CDC27: variants seen among roughly 807,000 people sequenced by gnomAD.
The protein encoded by CDC27 is cell division cycle 27, also known as cell division cycle protein 27 homolog.
In CDC27, 27 loss-of-function variants were observed where a neutral mutation model predicts 109.7. The observed-to-expected ratio is 0.25, with a 90% confidence interval of 0.18 to 0.34. The LOEUF (loss-of-function observed/expected upper bound fraction) is 0.34, where lower values mean the gene tolerates loss of function less well. Among genes scored for constraint, CDC27 ranks in the 10% least tolerant of loss-of-function variants. CDC27 has a pLI of 1.00. For synonymous variants in CDC27, 266 were observed against 333.9 expected (o/e 0.80, Z 2.22); for missense variants, 579 against 960.2 (o/e 0.60, Z 5.25).
intron 9 of CDC27, among the ~76,000 whole-genome samples, chr17:47,148,681 A>C (rs371268834): frequency 2.0e-5 from 3 of 152,328 alleles, no homozygotes; most frequent in East Asian, 1.9e-4. Context: ...GAAAAGACAT[A>C]TTACTACATA....
At chr17:47,133,073 A>G (rs2062429437) in intron 14 of CDC27, among the ~76,000 whole-genome samples, 1 of 83,180 alleles carries the variant, frequency 1.2e-5, no homozygotes, top group Non-Finnish European at 2.2e-5. Context: ...ACACACACAC[A>G]CACACACACA....
intron 14 of CDC27, among the ~76,000 whole-genome samples, chr17:47,134,542 A>AG (rs1183438031): frequency 1.3e-5 from 2 of 151,326 alleles, no homozygotes; most frequent in African/African-American, 4.9e-5. Context: ...GCCATGCTGG[A>AG]GTGCAGTGGC....
chr17:47,124,306 T>C (rs2032876669), intron 16 of CDC27, among the ~76,000 whole-genome samples: 2 of 152,044 alleles, frequency 1.3e-5, no homozygotes, highest in Admixed American at 1.3e-4. Context: ...TTTATTGAGG[T>C]GGAGTCTCGC....
chr17:47,162,470 ACTAC>A (rs1481103731), intron 4 of CDC27, among the ~76,000 whole-genome samples: 1 of 152,178 alleles, frequency 6.6e-6, no homozygotes, highest in East Asian at 1.9e-4. Flanking sequence ...CCATTTTTAT[ACTAC>A]CTGTTTCCTG....
intron 4 of CDC27, among the ~76,000 whole-genome samples, chr17:47,158,977 C>T (rs1443970787): frequency 1.3e-5 from 2 of 152,180 alleles, no homozygotes; most frequent in Non-Finnish European, 2.9e-5. Flanking sequence ...GTCTCGAACT[C>T]ATGAGCTCAA....
Position 47,123,939 on chromosome 17 carries a change from C to T in CDC27, c.2182G>A (p.Glu728Lys), listed in dbSNP as rs1423097241. Reference sequence around the variant, plus strand: ...TCTTTGGGAACAATTTGTTTCAATTCTTCAAGTTCTTGTAAAGCAGACTGA... The same window carrying T: ...TCTTTGGGAACAATTTGTTTCAATTTTTCAAGTTCTTGTAAAGCAGACTGA... ...KYKSALQELEELKQIVPKESL... is the reference protein window; with the variant it reads ...KYKSALQELEKLKQIVPKESL... Residue 728 changes from glutamate to lysine, a missense_variant, in exon 17 of 19, where the codon GAA becomes AAA. Glu to Lys is a moderately conservative substitution (Grantham distance 56). Coordinates refer to ENST00000066544, the MANE Select transcript of CDC27 (RefSeq NM_001256.6). 6.2e-7 allele frequency: 1 copy of T among 1,601,478 alleles called. No individual in the cohort carries two copies. Among genetic ancestry groups the T allele is most frequent in the South Asian group, 1.1e-5 (1 of 87,846 alleles).
chr17:47,122,755 C>T lies in CDC27; in HGVS notation c.2236-155G>A, dbSNP rs556447851. ...ATGGCACGATCTTGGCTCACTGCAA[C>T]CTCCACCTCCCAGGTTCAAGCGATT... On this transcript the variant is annotated intron_variant, in intron 17 of 18. Transcript: ENST00000066544. 13 of 411,344 alleles carry T rather than the reference C, an allele frequency of 3.2e-5. No homozygotes were observed. The East Asian group carries it at 4.6e-4, about 15-fold the overall frequency. 25.5% of individuals were successfully genotyped at this position (411,344 alleles called of 1,614,324 possible).
chr17:47,139,781 T>C (rs1438098701), intron 12 of CDC27: 2 of 152,204 alleles, frequency 1.3e-5, no homozygotes, highest in African/African-American at 2.4e-5. Flanking sequence ...CTATTAATTA[T>C]CCTTTCCTTT....
intron 2 of CDC27, among the ~76,000 whole-genome samples, chr17:47,177,215 G>T (rs1010521482): frequency 2.0e-5 from 3 of 152,036 alleles, no homozygotes; most frequent in African/African-American, 7.3e-5. Context: ...GAGCCCAAGT[G>T]TTTGAGGCCA....
intron 1 of CDC27, among the ~76,000 whole-genome samples, chr17:47,186,215 G>A (rs1038114382): frequency 6.6e-6 from 1 of 152,010 alleles, no homozygotes; most frequent in African/African-American, 2.4e-5. Flanking sequence ...TCATATAATG[G>A]TTATTCATTA....
chr17:47,128,343 T>G (rs563036202), intron 16 of CDC27, among the ~76,000 whole-genome samples: 122 of 152,280 alleles, frequency 8.0e-4, no homozygotes, highest in Non-Finnish European at 1.5e-3. Flanking sequence ...GAATTTATTT[T>G]AAAAGATTTT....
chr17:47,187,638 T>C (rs2064495057), intron 1 of CDC27, among the ~76,000 whole-genome samples: 1 of 151,736 alleles, frequency 6.6e-6, no homozygotes, highest in African/African-American at 2.4e-5. Context: ...TATTATTAAA[T>C]GGTGGTTATA....
At position 47,118,097 on chromosome 17, in the gene CDC27, C is replaced by T. The variant is rs2061913710; in HGVS notation, c.*2838G>A. On this transcript the variant is annotated 3_prime_UTR_variant, in exon 19 of 19. Coordinates refer to ENST00000066544, the MANE Select transcript of CDC27 (RefSeq NM_001256.6). ...ATGCAAACAGAACACACACTTCATA[C>T]CCACACTTGCATTTTCCCAGGTTTT... The T allele has an allele frequency of 6.6e-6, 1 of 152,150 alleles. No individual in the cohort carries two copies. The highest frequency in any genetic ancestry group is 1.5e-5 in the Non-Finnish European group (1 of 68,016). The allele number at this position is 152,150 out of a possible 1,614,324, so 9.4% of individuals were successfully genotyped here.
At chr17:47,188,353 G>A (rs2064529663) in intron 1 of CDC27, among the ~76,000 whole-genome samples, 1 of 152,210 alleles carries the variant, frequency 6.6e-6, no homozygotes, top group East Asian at 1.9e-4. Flanking sequence ...ATCCAATAGG[G>A]TTCCTTTAAT....
intron 15 of CDC27, among the ~76,000 whole-genome samples, chr17:47,130,742 T>C (rs919774353): frequency 7.2e-5 from 11 of 151,996 alleles, no homozygotes; most frequent in African/African-American, 2.7e-4. Context: ...CCAGGCGTGG[T>C]GTCGGGCACC....
chr17:47,182,158 C>T (rs1012580062), intron 1 of CDC27, among the ~76,000 whole-genome samples: 3 of 152,170 alleles, frequency 2.0e-5, no homozygotes, highest in Admixed American at 2.0e-4. Context: ...GTATGTCATC[C>T]TCCCACAAAA....
intron 8 of CDC27, among the ~76,000 whole-genome samples, chr17:47,153,863 G>T (rs530100609): frequency 2.0e-5 from 3 of 152,108 alleles, no homozygotes; most frequent in East Asian, 3.9e-4. Flanking sequence ...CAGGAGGATT[G>T]CTTGAGCCCA....
chr17:47,177,857 T>C (rs976484301), intron 2 of CDC27, among the ~76,000 whole-genome samples: 6 of 150,280 alleles, frequency 4.0e-5, no homozygotes, highest in Non-Finnish European at 7.4e-5. Context: ...TATGTGTGTG[T>C]ACACACACAC....
intron 4 of CDC27, among the ~76,000 whole-genome samples, chr17:47,158,711 TA>T (rs1413976465): frequency 5.3e-5 from 8 of 151,760 alleles, no homozygotes; most frequent in African/African-American, 1.9e-4. Flanking sequence ...CCCTACTTCC[TA>T]CGCTAAAGCC....
Sources: gnomAD v4.1 joint callset for allele counts (sites outside exome capture counted in the v4.1 genomes callset) on GRCh38, gnomAD v4.1.1 for gene constraint, MANE v1.5 for transcripts, NCBI Gene and HGNC (gene_info 2026-07-23, HGNC 2026-07-21) for gene names.